The following CEP112 variants were observed in gnomAD, a reference collection of about 807,000 sequenced individuals.
The protein encoded by CEP112 is centrosomal protein of 112 kDa.
A neutral mutation model predicts 153.0 loss-of-function variants in CEP112; 127 were observed. The ratio of observed to expected loss-of-function variants is 0.83; its 90% CI spans 0.72 to 0.96. CEP112 has a LOEUF of 0.96. Ranked by LOEUF, CEP112 falls within the 40% of genes least tolerant of loss-of-function variation. The pLI is 0.00. For synonymous variants in CEP112, 358 were observed against 374.4 expected (o/e 0.96, Z 0.51); for missense variants, 1,089 against 1,101.2 (o/e 0.99, Z 0.16).
chr17:65,867,562 G>A (rs1240293066), intron 20 of CEP112, among the ~76,000 whole-genome samples: 1 of 152,140 alleles, frequency 6.6e-6, no homozygotes, highest in Non-Finnish European at 1.5e-5. Flanking sequence ...TAAAGTTTAA[G>A]AGATTGGGGT....
In CEP112 at chr17:65,936,063, C is replaced by T. The variant is rs115843734; in HGVS notation, c.1873-8374G>A. 2.9e-3 allele frequency among the ~76,000 whole-genome samples: 447 copies of T among 152,156 alleles called. 4 individuals carry two copies. Among genetic ancestry groups the T allele is most frequent in the African/African-American group, 0.01 (429 of 41,536 alleles). On this transcript the variant is annotated intron_variant, in intron 18 of 26. Coordinates refer to ENST00000535342, the MANE Select transcript of CEP112 (RefSeq NM_001199165.4). Reference sequence around the variant, plus strand: ...ATAATATCAGAAATGAAAGGGCAGACTTTAAAATCGATAATATAGAAACAC... The same window carrying T: ...ATAATATCAGAAATGAAAGGGCAGATTTTAAAATCGATAATATAGAAACAC...
At chr17:65,947,529 G>A (rs899597692) in intron 18 of CEP112, among the ~76,000 whole-genome samples, 3 of 152,080 alleles carry the variant, frequency 2.0e-5, no homozygotes, top group African/African-American at 7.2e-5. Flanking sequence ...CTCAGTAGAT[G>A]ATTATTTTGC....
intron 4 of CEP112, among the ~76,000 whole-genome samples, chr17:66,161,222 T>C (rs1046777701): frequency 1.3e-5 from 2 of 152,222 alleles, no homozygotes; most frequent in African/African-American, 4.8e-5. Context: ...GGAATGCTTT[T>C]ACACTGTTGG....
chr17:65,931,578 A>G (rs1391743736), intron 18 of CEP112, among the ~76,000 whole-genome samples: 1 of 152,218 alleles, frequency 6.6e-6, no homozygotes, highest in Admixed American at 6.5e-5. Flanking sequence ...CAATGAAGGG[A>G]AAATGGAGCT....
At chr17:66,177,381 A>C (rs1055007214) in intron 2 of CEP112, among the ~76,000 whole-genome samples, 4 of 152,256 alleles carry the variant, frequency 2.6e-5, no homozygotes, top group African/African-American at 7.2e-5. Context: ...ACAAATGCAA[A>C]GAAATATTTT....
At chr17:65,784,894 TCAC>T (rs905404172) in intron 21 of CEP112, among the ~76,000 whole-genome samples, 3 of 152,112 alleles carry the variant, frequency 2.0e-5, no homozygotes, top group African/African-American at 4.8e-5. Context: ...TGTACATTTA[TCAC>T]CACGACAAAA....
At chr17:65,966,891 G>A (rs1270117950) in intron 17 of CEP112, among the ~76,000 whole-genome samples, 1 of 152,108 alleles carries the variant, frequency 6.6e-6, no homozygotes, top group African/African-American at 2.4e-5. Flanking sequence ...TGAATATATG[G>A]TAATACTTCC....
chr17:66,089,549 C>T (rs1308525886), intron 8 of CEP112, among the ~76,000 whole-genome samples: 3 of 151,956 alleles, frequency 2.0e-5, no homozygotes, highest in African/African-American at 4.8e-5. Context: ...AAAAATATAA[C>T]AGCATTCACA....
chr17:66,156,382 C>T (rs1190148079), intron 4 of CEP112, among the ~76,000 whole-genome samples: 1 of 152,044 alleles, frequency 6.6e-6, no homozygotes, highest in Admixed American at 6.6e-5. Context: ...TGAAGGTCAC[C>T]AACATCAAAG....
At chr17:65,747,515 G>C (rs2051545446) in intron 22 of CEP112, among the ~76,000 whole-genome samples, 1 of 152,186 alleles carries the variant, frequency 6.6e-6, no homozygotes, top group Non-Finnish European at 1.5e-5. Context: ...TAGGTGACTA[G>C]GCTGAGTGGG....
intron 17 of CEP112, among the ~76,000 whole-genome samples, chr17:65,994,682 AGGAGAATAGGATGTG>A (rs2063718751): frequency 6.6e-6 from 1 of 152,178 alleles, no homozygotes; most frequent in African/African-American, 2.4e-5. Context: ...AAATAGTTCT[AGGAGAATAGGATGTG>A]GGGGAAAATA....
At chr17:65,668,066 T>A (rs957381230) in intron 24 of CEP112, among the ~76,000 whole-genome samples, 1 of 152,046 alleles carries the variant, frequency 6.6e-6, no homozygotes, top group African/African-American at 2.4e-5. Flanking sequence ...CTGGATAATT[T>A]TCGTATTTTT....
intron 4 of CEP112, among the ~76,000 whole-genome samples, chr17:66,156,223 T>C (rs2071433448): frequency 6.6e-6 from 1 of 152,202 alleles, no homozygotes. Context: ...CAGCCTCCAC[T>C]GGCGATACCC....
At chr17:65,990,147 A>G (rs903888908) in intron 17 of CEP112, among the ~76,000 whole-genome samples, 1 of 152,054 alleles carries the variant, frequency 6.6e-6, no homozygotes, top group Non-Finnish European at 1.5e-5. Flanking sequence ...ACAAAATAAT[A>G]ATATTTAAGT....
intron 20 of CEP112, among the ~76,000 whole-genome samples, chr17:65,874,564 C>G (rs972550191): frequency 2.6e-5 from 4 of 152,070 alleles, no homozygotes; most frequent in African/African-American, 9.7e-5. Flanking sequence ...CAAATTTTCT[C>G]TCTGAAATAA....
Position 66,175,080 on chromosome 17 carries a change from T to G in CEP112, c.434A>C (p.Asp145Ala), listed in dbSNP as rs764386570. ...AGTTGGCGACTGTACTAAAGTGTTA[T>G]CTTCTCCAGAAGAGAGTTTCCATGA... ...NESWKLSSGE[D>A]NTLVQSPTDV... is the part of the protein sequence containing the mutation. Residue 145 changes from aspartate to alanine, a missense_variant, in exon 4 of 27, where the codon GAT (aspartate) becomes GCT (alanine). By Grantham distance (126) the Asp-to-Ala change is moderately radical. Transcript: ENST00000535342. The G allele has an allele frequency of 1.9e-6, 3 of 1,612,542 alleles. No homozygotes were observed. Among genetic ancestry groups the G allele is most frequent in the Non-Finnish European group, 2.5e-6 (3 of 1,179,282 alleles).
At chr17:65,920,925 T>A (rs1179099180) in intron 19 of CEP112, among the ~76,000 whole-genome samples, 1 of 152,170 alleles carries the variant, frequency 6.6e-6, no homozygotes, top group African/African-American at 2.4e-5. Context: ...TGTAATCTTC[T>A]TAATTCCAGC....
At chr17:66,024,425 T>G (rs1411726060) in intron 16 of CEP112, among the ~76,000 whole-genome samples, 1 of 151,966 alleles carries the variant, frequency 6.6e-6, no homozygotes, top group African/African-American at 2.4e-5. Flanking sequence ...CCCTAACAAT[T>G]TCTCCCCCCA....
At chr17:66,172,372 A>T (rs1194640175) in intron 4 of CEP112, among the ~76,000 whole-genome samples, 1 of 152,194 alleles carries the variant, frequency 6.6e-6, no homozygotes, top group Non-Finnish European at 1.5e-5. Context: ...GGGATATCAG[A>T]TAAGGCTTTT....
Sources: gnomAD v4.1 joint callset for allele counts (sites outside exome capture counted in the v4.1 genomes callset) on GRCh38, gnomAD v4.1.1 for gene constraint, MANE v1.5 for transcripts, NCBI Gene and HGNC (gene_info 2026-07-23, HGNC 2026-07-21) for gene names.